The following RASGRF1 variants were observed in gnomAD, a reference collection of about 807,000 sequenced individuals.
RASGRF1 encodes ras-specific guanine nucleotide-releasing factor 1.
A neutral mutation model predicts 138.7 loss-of-function variants in RASGRF1; 40 were observed. The observed-to-expected ratio is 0.29, with a 90% CI of 0.22 to 0.38. RASGRF1 has a LOEUF of 0.38. Ranked by LOEUF, RASGRF1 falls within the 10% of genes least tolerant of loss-of-function variation. The pLI is 1.00. For synonymous variants in RASGRF1, 614 were observed against 663.2 expected (o/e 0.93, Z 1.14); for missense variants, 1,108 against 1,650.4 (o/e 0.67, Z 5.69).
chr15:79,059,384 CTT>C (rs2057563028), intron 2 of RASGRF1, among the ~76,000 whole-genome samples: 1 of 97,638 alleles, frequency 1.0e-5, no homozygotes, highest in African/African-American at 4.5e-5. Flanking sequence ...CTTCCCTTCC[CTT>C]CCCTTCCCTT....
intron 1 of RASGRF1, among the ~76,000 whole-genome samples, chr15:79,086,696 G>A (rs1227455927): frequency 6.6e-6 from 1 of 152,114 alleles, no homozygotes; most frequent in Non-Finnish European, 1.5e-5. Context: ...CCCACATTTT[G>A]ACCCTTCCTG....
chr15:78,994,926 C>CTT lies in RASGRF1; in HGVS notation c.3027+812_3027+813dup, dbSNP rs72369256. Among the ~76,000 whole-genome samples, 29 of 136,050 alleles carry CTT rather than the reference C, an allele frequency of 2.1e-4. 2 individuals carry two copies. In the East Asian group the frequency reaches 2.4e-3, roughly 11 times the overall value. 89.3% of individuals were successfully genotyped at this position (136,050 alleles called of 152,430 possible). A position where few individuals can be genotyped will look rare whatever the true frequency, so the allele number is the denominator to read the frequency against. ...GGAGGGAGCACAACCCTTCCAGCAC[C>CTT]TTTTTTTTTTTTTTTTTTGAGATGG... is the stretch of plus-strand genomic sequence containing the variant. On this transcript the variant is annotated intron_variant, in intron 20 of 26. Coordinates refer to ENST00000558480, the MANE Select transcript of RASGRF1 (RefSeq NM_001145648.3).
Position 79,078,147 on chromosome 15 carries a change from G to GTGTGTGTGTGTGCATGTGTC in RASGRF1, c.276+12075_276+12076insGACACATGCACACACACACA, listed in dbSNP as rs149304846. Among the ~76,000 whole-genome samples the GTGTGTGTGTGTGCATGTGTC allele has an allele frequency of 3.1e-3, 462 of 149,964 alleles. 5 individuals are homozygous for GTGTGTGTGTGTGCATGTGTC. Among genetic ancestry groups the GTGTGTGTGTGTGCATGTGTC allele is most frequent in the South Asian group, 0.015 (66 of 4,550 alleles). On this transcript the variant is annotated intron_variant, in intron 1 of 26. Coordinates refer to ENST00000558480, the MANE Select transcript of RASGRF1 (RefSeq NM_001145648.3). The stretch of plus-strand genomic sequence containing the variant: ...CAGAGAACCTGGTGTGTGTGTGTGT[G>GTGTGTGTGTGTGCATGTGTC]TGTGTGCATGCATGTGCGTATGTGT...
chr15:79,039,924 C>G (rs189544072), intron 5 of RASGRF1, among the ~76,000 whole-genome samples: 2 of 152,092 alleles, frequency 1.3e-5, no homozygotes, highest in African/African-American at 4.8e-5. Flanking sequence ...TGTGTACCAC[C>G]ATGACATTCT....
In RASGRF1 at chr15:79,085,280, A is replaced by C. The variant is rs1167082899; in HGVS notation, c.276+4943T>G. ...TCAGGTGGAGGGAATGGCTTCTGCC[A>C]CAGCCTTGAGATAGGAAAGGGGAGG... On this transcript the variant is annotated intron_variant, in intron 1 of 26. Transcript: ENST00000558480. Among the ~76,000 whole-genome samples, 44 of 152,208 alleles carry C rather than the reference A, an allele frequency of 2.9e-4. 2 individuals are homozygous for C. The highest frequency in any genetic ancestry group is 2.9e-3 in the Admixed American group (44 of 15,276).
Position 79,035,165 on chromosome 15 carries a change from C to T in RASGRF1, c.924G>A (p.Lys308=), listed in dbSNP as rs2057201136. ...GCGTGGGCCAGCTGGAGATGCGGGCCTTCAGGCCTTGGTAAAAGATCTGAT... is the reference window on the plus strand; with the variant it reads ...GCGTGGGCCAGCTGGAGATGCGGGCTTTCAGGCCTTGGTAAAAGATCTGAT... ...FLHQIFYQGL[K]ARISSWPTLV... Residue 308 remains lysine, a synonymous_variant, in exon 6 of 27, where the codon AAG becomes AAA. Transcript: ENST00000558480. The T allele has an allele frequency of 6.2e-7, 1 of 1,613,816 alleles. No homozygotes were observed. The highest frequency in any genetic ancestry group is 1.3e-5 in the African/African-American group (1 of 74,942).
chr15:79,004,200 T>C (rs774672066), intron 14 of RASGRF1, 25 bp from the exon 15 acceptor site: 38 of 1,539,730 alleles, frequency 2.5e-5, no homozygotes, highest in Admixed American at 9.3e-5. Context: ...GGGGTGAAAA[T>C]GACAGTTAGC....
chr15:79,021,665 T>C (rs1466506724), intron 10 of RASGRF1, among the ~76,000 whole-genome samples: 2 of 152,228 alleles, frequency 1.3e-5, no homozygotes, highest in Non-Finnish European at 2.9e-5. Context: ...GACTAGAGCA[T>C]AGTGATTAAG....
At chr15:79,007,323 C>T (rs865898785) in intron 13 of RASGRF1, among the ~76,000 whole-genome samples, 5 of 152,158 alleles carry the variant, frequency 3.3e-5, no homozygotes, top group Non-Finnish European at 7.4e-5. Context: ...CTGGTGCTTA[C>T]GCCACTGGAA....
chr15:78,990,698 A>T (rs1266066534), intron 21 of RASGRF1, among the ~76,000 whole-genome samples: 1 of 152,260 alleles, frequency 6.6e-6, no homozygotes, highest in Non-Finnish European at 1.5e-5. Flanking sequence ...GGGGGCAGAT[A>T]AAAGGCTTAA....
rs774255043 is a variant in RASGRF1, at chr15:78,985,174, G to A, written c.3247C>T (p.Arg1083Cys). Residue 1083 changes from arginine to cysteine, a missense_variant, in exon 23 of 27, where the codon CGC becomes TGC. Around this residue, in one of 3 missense-constraint regions of RASGRF1, gnomAD observed 686 missense variants for 976.7 expected, o/e 0.70. Transcript: ENST00000558480. ...ISNLIASEIIRNEDINARVSA... is the reference protein window; with the variant it reads ...ISNLIASEIICNEDINARVSA... ...ACCCTGGCGTTGATGTCCTCATTGC[G>A]GATGATTTCTGAAGCAATCAAGTTA... 12 of 1,611,722 alleles carry A rather than the reference G, an allele frequency of 7.4e-6. No individual in the cohort carries two copies. The highest frequency in any genetic ancestry group is 1.6e-4 in the Middle Eastern group (1 of 6,082).
intron 1 of RASGRF1, among the ~76,000 whole-genome samples, chr15:79,084,893 G>A (rs2057959062): frequency 6.6e-6 from 1 of 152,116 alleles, no homozygotes; most frequent in South Asian, 2.1e-4. Context: ...CCAATGGGAT[G>A]GCAGGTCTTG....
chr15:78,984,747 T>C lies in RASGRF1; in HGVS notation c.3414+260A>G, dbSNP rs559504569. 2.8e-5 allele frequency: 14 copies of C among 507,730 alleles called. No homozygotes were observed. In the South Asian group the frequency reaches 2.9e-4, roughly 11 times the overall value. The allele number at this position is 507,730 out of a possible 1,614,324, so 31.5% of individuals were successfully genotyped here. On this transcript the variant is annotated intron_variant, in intron 23 of 26. Coordinates refer to ENST00000558480, the MANE Select transcript of RASGRF1 (RefSeq NM_001145648.3). ...TCCAGAAGAAAAATGTTGGGACCAA[T>C]AATCACCATCATATTCTTTCCACTT...
chr15:79,079,385 T>C (rs2057882907), intron 1 of RASGRF1, among the ~76,000 whole-genome samples: 1 of 151,338 alleles, frequency 6.6e-6, no homozygotes, highest in Admixed American at 6.6e-5. Flanking sequence ...GATATTTACT[T>C]ATTAACTGCG....
chr15:78,972,171 G>A (rs1297238646), intron 25 of RASGRF1, among the ~76,000 whole-genome samples: 1 of 152,000 alleles, frequency 6.6e-6, no homozygotes, highest in Non-Finnish European at 1.5e-5. Flanking sequence ...TCTCGGCTCA[G>A]TGCAACCTCT....
At chr15:79,083,269 C>T (rs1296489061) in intron 1 of RASGRF1, among the ~76,000 whole-genome samples, 1 of 152,226 alleles carries the variant, frequency 6.6e-6, no homozygotes, top group Non-Finnish European at 1.5e-5. Context: ...CACCTCCCAG[C>T]TGCTCCCTGC....
chr15:79,007,032 G>T (rs1156926387), intron 13 of RASGRF1, among the ~76,000 whole-genome samples: 1 of 152,186 alleles, frequency 6.6e-6, no homozygotes, highest in Non-Finnish European at 1.5e-5. Context: ...ATGTGTACAT[G>T]AATGTTCTTA....
rs899162752 is a variant in RASGRF1 at position 78,973,001 on chromosome 15, C to T, written c.3612+302G>A. On this transcript the variant is annotated intron_variant, in intron 25 of 26. Transcript: ENST00000558480. This position sits in a 1 kb window ranked among gnomAD's most constrained non-coding sequence, Gnocchi z 4.9. The stretch of plus-strand genomic sequence containing the variant: ...TTGTGGGGTGACCTTGGGCTGCTCA[C>T]TTGACCTCACTCAGCCTCAGTCTGC... 2.0e-5 allele frequency among the ~76,000 whole-genome samples: 3 copies of T among 152,168 alleles called. No individual in the cohort carries two copies. Among genetic ancestry groups the T allele is most frequent in the Non-Finnish European group, 4.4e-5 (3 of 68,024 alleles).
intron 1 of RASGRF1, among the ~76,000 whole-genome samples, chr15:79,069,086 C>G (rs10152835): frequency 1.8e-3 from 271 of 152,312 alleles, no homozygotes; most frequent in African/African-American, 6.1e-3. Flanking sequence ...GCCTCACAAC[C>G]TGGCTGACCC....
Sources: allele counts gnomAD v4.1 joint callset (sites outside exome capture counted in the v4.1 genomes callset), GRCh38; gene constraint gnomAD v4.1.1; regional missense constraint gnomAD v4.1.1; non-coding constraint Gnocchi (gnomAD v3.1); transcripts MANE v1.5; gene names NCBI Gene and HGNC (gene_info 2026-07-23, HGNC 2026-07-21).